CPNE4: variants seen among roughly 807,000 people sequenced by gnomAD.
The protein encoded by CPNE4 is copine 4.
CPNE4 carries 25 observed loss-of-function variants against 67.9 expected under a neutral mutation model. The ratio of observed to expected loss-of-function variants is 0.37; its 90% confidence interval spans 0.27 to 0.51. The LOEUF (loss-of-function observed/expected upper bound fraction) is 0.51, where lower values mean the gene tolerates loss of function less well. Among genes scored for constraint, CPNE4 ranks in the 20% least tolerant of loss-of-function variants. CPNE4 has a pLI of 0.93. For synonymous variants in CPNE4, 242 were observed against 244.9 expected (o/e 0.99, Z 0.11); for missense variants, 464 against 690.8 (o/e 0.67, Z 3.68).
At chr3:131,811,543 A>G (rs935000918) in intron 2 of CPNE4, among the ~76,000 whole-genome samples, 1 of 152,234 alleles carries the variant, frequency 6.6e-6, no homozygotes, top group African/African-American at 2.4e-5. Context: ...TCTACTATGT[A>G]TTCAAAGTAC....
In CPNE4 at chr3:131,814,690, C is replaced by T. The variant is rs1210973395; in HGVS notation, c.180+90574G>A. ...CGGGATCTCGGCTCACTGCAAGCTC[C>T]GCCTCCCGGGTTCACGCCATTCTCC... On this transcript the variant is annotated intron_variant, in intron 2 of 15. Coordinates refer to ENST00000429747, the MANE Select transcript of CPNE4 (RefSeq NM_130808.3). 1.6e-4 allele frequency among the ~76,000 whole-genome samples: 20 copies of T among 128,112 alleles called. 1 individual carries two copies. In the East Asian group the frequency reaches 1.7e-3, roughly 11 times the overall value. 84.0% of individuals were successfully genotyped at this position (128,112 alleles called of 152,430 possible).
chr3:131,784,189 T>A (rs1015566622), intron 2 of CPNE4, among the ~76,000 whole-genome samples: 1 of 152,020 alleles, frequency 6.6e-6, no homozygotes, highest in Non-Finnish European at 1.5e-5. Flanking sequence ...TCCTGACCAA[T>A]AAGCCTCCCT....
At chr3:131,961,054 T>A (rs1190477075) in intron 1 of CPNE4, among the ~76,000 whole-genome samples, 2 of 152,154 alleles carry the variant, frequency 1.3e-5, no homozygotes, top group African/African-American at 4.8e-5. Context: ...GTTCAAAGGT[T>A]TCTCTAAGAC....
At chr3:131,625,328 A>G (rs1377161582) in intron 7 of CPNE4, among the ~76,000 whole-genome samples, 1 of 152,202 alleles carries the variant, frequency 6.6e-6, no homozygotes, top group African/African-American at 2.4e-5. Context: ...ATCATAAATT[A>G]TATTACCATA....
At chr3:131,554,616 TC>T (rs1353737176) in intron 12 of CPNE4, among the ~76,000 whole-genome samples, 1 of 152,092 alleles carries the variant, frequency 6.6e-6, no homozygotes, top group Non-Finnish European at 1.5e-5. Context: ...ATTGATTTCC[TC>T]TTTCAAAAAG....
intron 7 of CPNE4, among the ~76,000 whole-genome samples, chr3:131,661,413 A>G (rs1323934742): frequency 6.6e-6 from 1 of 152,214 alleles, no homozygotes; most frequent in African/African-American, 2.4e-5. Flanking sequence ...TTGAGAGAAT[A>G]TGTAGTTTTT....
intron 1 of CPNE4, among the ~76,000 whole-genome samples, chr3:131,948,810 A>G (rs1002717799): frequency 6.6e-6 from 1 of 152,208 alleles, no homozygotes. Context: ...GGTTCCCCCA[A>G]TCTGCTGATA....
intron 2 of CPNE4, among the ~76,000 whole-genome samples, chr3:131,801,492 A>G (rs1320070675): frequency 7.6e-6 from 1 of 130,880 alleles, no homozygotes; most frequent in East Asian, 2.3e-4. Context: ...TCACTGCTGA[A>G]GAGTTGAATC....
intron 1 of CPNE4, among the ~76,000 whole-genome samples, chr3:132,012,245 T>G (rs1463289505): frequency 2.0e-5 from 3 of 149,140 alleles, no homozygotes; most frequent in Non-Finnish European, 4.4e-5. Flanking sequence ...CTCCGCTCAC[T>G]GCAATCTCTG....
chr3:131,620,516 G>A (rs891349528), intron 7 of CPNE4: 1 of 963,384 alleles, frequency 1.0e-6, no homozygotes, highest in Non-Finnish European at 1.2e-6. Flanking sequence ...CAGAATAATG[G>A]TTCCTCAAGT....
chr3:131,698,417 G>A (rs12695560), intron 4 of CPNE4, among the ~76,000 whole-genome samples: 44,425 of 151,262 alleles, frequency 0.29, 6,719 homozygotes, highest in Middle Eastern at 0.33. Flanking sequence ...GAGTGAACCC[G>A]TGGGTCCATA....
chr3:131,846,557 A>C (rs2086005221), intron 2 of CPNE4, among the ~76,000 whole-genome samples: 1 of 152,218 alleles, frequency 6.6e-6, no homozygotes, highest in African/African-American at 2.4e-5. Flanking sequence ...AGATGTAGTA[A>C]GAGTGGTGCT....
At chr3:131,863,586 T>C (rs1215151105) in intron 2 of CPNE4, among the ~76,000 whole-genome samples, 1 of 152,214 alleles carries the variant, frequency 6.6e-6, no homozygotes, top group East Asian at 1.9e-4. Flanking sequence ...TCTGAGTTCA[T>C]TGTAGATTCT....
At chr3:132,001,187 T>G (rs759217134) in intron 1 of CPNE4, among the ~76,000 whole-genome samples, 1 of 152,066 alleles carries the variant, frequency 6.6e-6, no homozygotes, top group Non-Finnish European at 1.5e-5. Flanking sequence ...AAGGAAATCC[T>G]GACTAACAAA....
upstream of CPNE4, among the ~76,000 whole-genome samples, chr3:132,039,079 A>G (rs2074376394): frequency 6.6e-6 from 1 of 152,382 alleles, no homozygotes; most frequent in South Asian, 2.1e-4. Flanking sequence ...CTAAACAGTC[A>G]TAAGTGGCTA....
In CPNE4 at chr3:131,970,136, T is replaced by C. The variant is rs531401766; in HGVS notation, c.-2+64431A>G. ...GAAATACGAGTCATCTGTTTCACTTTGAGAATCAGTATATGAGCTGCCATT... is the reference window on the plus strand; with the variant it reads ...GAAATACGAGTCATCTGTTTCACTTCGAGAATCAGTATATGAGCTGCCATT... On this transcript the variant is annotated intron_variant, in intron 1 of 15. Transcript: ENST00000429747. Among the ~76,000 whole-genome samples the C allele has an allele frequency of 1.5e-4, 23 of 152,342 alleles. No individual in the cohort carries two copies. In the South Asian group the frequency reaches 1.9e-3, roughly 12 times the overall value.
At chr3:131,761,539 C>T (rs2082892199) in intron 2 of CPNE4, among the ~76,000 whole-genome samples, 1 of 152,002 alleles carries the variant, frequency 6.6e-6, no homozygotes. Flanking sequence ...GGTAGAAACC[C>T]ACAAAAAGTA....
rs75427842 is a variant in CPNE4, at chr3:131,868,805, C to T, written c.180+36459G>A. Among the ~76,000 whole-genome samples, 1,259 of 152,170 alleles carry T rather than the reference C, an allele frequency of 8.3e-3. 17 individuals carry two copies. Among genetic ancestry groups the T allele is most frequent in the African/African-American group, 0.028 (1,146 of 41,512 alleles). On this transcript the variant is annotated intron_variant, in intron 2 of 15. Coordinates refer to ENST00000429747, the MANE Select transcript of CPNE4 (RefSeq NM_130808.3). ...GAACATCCATCAGTGATTAGAACAT[C>T]GCAGGAGTAGCTCATGTTGTCCTCC...
intron 2 of CPNE4, among the ~76,000 whole-genome samples, chr3:131,788,035 AT>A (rs2083613381): frequency 6.6e-6 from 1 of 152,194 alleles, no homozygotes; most frequent in Non-Finnish European, 1.5e-5. Context: ...ATTTTTAAAT[AT>A]AAAAATTAAA....
Sources: allele counts gnomAD v4.1 joint callset (sites outside exome capture counted in the v4.1 genomes callset), GRCh38; gene constraint gnomAD v4.1.1; transcripts MANE v1.5; gene names NCBI Gene and HGNC (gene_info 2026-07-23, HGNC 2026-07-21).